AKT3: variants seen among roughly 807,000 people sequenced by gnomAD.
The protein encoded by AKT3 is AKT serine/threonine kinase 3, also known as RAC-gamma serine/threonine-protein kinase.
In AKT3, 15 loss-of-function variants were observed where a neutral mutation model predicts 65.3. The observed-to-expected ratio is 0.23, with a 90% confidence interval of 0.15 to 0.35. AKT3 has a LOEUF of 0.35. Ranked by LOEUF, AKT3 falls within the 10% of genes least tolerant of loss-of-function variation. The pLI is 1.00. For missense variants in AKT3, 243 were observed against 576.5 expected, an observed-to-expected ratio of 0.42 and a Z score of 5.92; for synonymous variants, 206 against 183.8, an observed-to-expected ratio of 1.12 and a Z score of -0.98.
At chr1:243,681,993 A>C (rs2147977910) in intron 3 of AKT3, among the ~76,000 whole-genome samples, 1 of 152,260 alleles carries the variant, frequency 6.6e-6, no homozygotes, top group South Asian at 2.1e-4. Flanking sequence ...AATGAGATTA[A>C]AACACCAAAT....
intron 2 of AKT3, among the ~76,000 whole-genome samples, chr1:243,768,731 A>G (rs1689983347): frequency 6.6e-6 from 1 of 151,378 alleles, no homozygotes; most frequent in Admixed American, 6.6e-5. Context: ...CCTACTCAGG[A>G]GGCTGAGGCA....
rs199852864 is a variant in AKT3 at position 243,635,506 on chromosome 1, C to A, written c.561+2105G>T. ...TGAAAAGATTAACAAAATTGATAAA[C>A]CCTTAGCTTAACTAAGAATAAATGT... On this transcript the variant is annotated intron_variant, in intron 6 of 13. Coordinates refer to ENST00000673466, the MANE Select transcript of AKT3 (RefSeq NM_005465.7). Among the ~76,000 whole-genome samples the A allele has an allele frequency of 3.3e-5, 5 of 151,872 alleles. No individual in the cohort carries two copies. The East Asian group carries it at 7.7e-4, about 23-fold the overall frequency.
chr1:243,489,077 GCAGAAC>G, intron 13 of AKT3: 1 of 1,613,398 alleles, frequency 6.2e-7, no homozygotes, highest in South Asian at 1.1e-5. Flanking sequence ...TCCTCAGCAA[GCAGAAC>G]CAGCTTCTCC....
At chr1:243,785,065 T>A (rs1302403060) in intron 2 of AKT3, among the ~76,000 whole-genome samples, 6 of 143,496 alleles carry the variant, frequency 4.2e-5, no homozygotes, top group African/African-American at 1.3e-4. Flanking sequence ...CCAACTCAAT[T>A]TTTTTTTTTT....
At chr1:243,745,293 T>G (rs367575010) in intron 2 of AKT3, among the ~76,000 whole-genome samples, 2 of 152,150 alleles carry the variant, frequency 1.3e-5, no homozygotes, top group African/African-American at 2.4e-5. Flanking sequence ...TGAGCTATGA[T>G]CATGCCACTG....
intron 12 of AKT3, among the ~76,000 whole-genome samples, chr1:243,541,009 A>C (rs1285467468): frequency 6.6e-6 from 1 of 152,156 alleles, no homozygotes; most frequent in Non-Finnish European, 1.5e-5. Context: ...ACTTGGTTAA[A>C]ACTGTGTTTT....
At chr1:243,782,268 A>T (rs551814052) in intron 2 of AKT3, among the ~76,000 whole-genome samples, 1 of 152,218 alleles carries the variant, frequency 6.6e-6, no homozygotes, top group African/African-American at 2.4e-5. Flanking sequence ...AAAACATCTT[A>T]AGTCTGCTTG....
intron 3 of AKT3, among the ~76,000 whole-genome samples, chr1:243,679,293 G>A (rs1024534277): frequency 1.3e-5 from 2 of 152,092 alleles, no homozygotes; most frequent in Non-Finnish European, 2.9e-5. Flanking sequence ...ACTACACAAG[G>A]GTTGAAGCCC....
intron 2 of AKT3, among the ~76,000 whole-genome samples, chr1:243,817,344 T>TA (rs1159644987): frequency 6.6e-6 from 1 of 152,234 alleles, no homozygotes; most frequent in Non-Finnish European, 1.5e-5. Context: ...GATGTAGCTA[T>TA]AATGATCTAC....
At chr1:243,707,326 T>C (rs1051256670) in intron 2 of AKT3, among the ~76,000 whole-genome samples, 5 of 152,220 alleles carry the variant, frequency 3.3e-5, no homozygotes, top group African/African-American at 1.2e-4. Flanking sequence ...ATAAAATTTC[T>C]ATTTTTGTTA....
intron 2 of AKT3, among the ~76,000 whole-genome samples, chr1:243,736,415 T>C (rs1361061719): frequency 6.6e-6 from 1 of 152,142 alleles, no homozygotes; most frequent in Non-Finnish European, 1.5e-5. Context: ...CTTAAATGGC[T>C]GTACTTGATG....
chr1:243,825,191 G>C (rs149714307), intron 2 of AKT3, among the ~76,000 whole-genome samples: 1 of 152,178 alleles, frequency 6.6e-6, no homozygotes, highest in Non-Finnish European at 1.5e-5. Flanking sequence ...TTCTAAGTGG[G>C]AGCTGAACAA....
chr1:243,682,103 T>TA (rs997896593), intron 3 of AKT3, among the ~76,000 whole-genome samples: 41 of 148,714 alleles, frequency 2.8e-4, no homozygotes, highest in African/African-American at 4.4e-4. Flanking sequence ...AATGACACAC[T>TA]AAAAAAAAAA....
intron 2 of AKT3, among the ~76,000 whole-genome samples, chr1:243,795,243 C>G (rs1057029921): frequency 2.0e-5 from 3 of 151,474 alleles, no homozygotes; most frequent in African/African-American, 7.3e-5. Flanking sequence ...ACTGAAAGAT[C>G]TGTGTGGGAA....
At chr1:243,726,916 A>G (rs1687245307) in intron 2 of AKT3, among the ~76,000 whole-genome samples, 1 of 152,228 alleles carries the variant, frequency 6.6e-6, no homozygotes, top group African/African-American at 2.4e-5. Context: ...AGCAGATAAG[A>G]TTCTGCCAAT....
At chr1:243,778,833 A>G (rs765429877) in intron 2 of AKT3, among the ~76,000 whole-genome samples, 26 of 152,316 alleles carry the variant, frequency 1.7e-4, no homozygotes, top group Middle Eastern at 6.8e-3. Flanking sequence ...CAATATAAGC[A>G]AATACAACTA....
intron 12 of AKT3, among the ~76,000 whole-genome samples, chr1:243,531,711 T>C (rs1003901890): frequency 6.6e-6 from 1 of 152,234 alleles, no homozygotes; most frequent in Non-Finnish European, 1.5e-5. Flanking sequence ...TCATTTTGAG[T>C]ACTCTCATCT....
chr1:243,707,424 G>C (rs764149055), intron 2 of AKT3, among the ~76,000 whole-genome samples: 2 of 151,994 alleles, frequency 1.3e-5, no homozygotes, highest in African/African-American at 2.4e-5. Flanking sequence ...GAAATCTCTA[G>C]TGAAAGACTG....
At chr1:243,778,565 C>T (rs556875652) in intron 2 of AKT3, among the ~76,000 whole-genome samples, 1 of 152,252 alleles carries the variant, frequency 6.6e-6, no homozygotes, top group South Asian at 2.1e-4. Context: ...AAAGGCTTTC[C>T]ATACTGTGTT....
Sources: gnomAD v4.1 joint callset for allele counts (sites outside exome capture counted in the v4.1 genomes callset) on GRCh38, gnomAD v4.1.1 for gene constraint, MANE v1.5 for transcripts, NCBI Gene and HGNC (gene_info 2026-07-23, HGNC 2026-07-21) for gene names.